FRMPD3: variants seen among roughly 807,000 people sequenced by gnomAD.
The protein encoded by FRMPD3 is FERM and PDZ domain containing 3, also known as FERM and PDZ domain-containing protein 3.
FRMPD3 carries 42 observed loss-of-function variants against 97.9 expected under a neutral mutation model. The ratio of observed to expected loss-of-function variants is 0.43; its 90% confidence interval spans 0.34 to 0.55. The LOEUF (loss-of-function observed/expected upper bound fraction) is 0.55. Ranked by LOEUF, FRMPD3 falls within the 20% of genes least tolerant of loss-of-function variation. The pLI is 0.03. For missense variants in FRMPD3, 1,303 were observed against 1,457.7 expected (o/e 0.89, Z 1.73); for synonymous variants, 577 against 581.1 (o/e 0.99, Z 0.10).
At chrX:107,517,192 A>T (rs1477372761) in intron 1 of FRMPD3, among the ~76,000 whole-genome samples, 1 of 111,758 alleles carries the variant, frequency 8.9e-6, no homozygotes, top group African/African-American at 3.3e-5. Context: ...ATTATTTCTG[A>T]GGGCTCTGTT....
chrX:107,575,824 A>G (rs745878490), intron 12 of FRMPD3, among the ~76,000 whole-genome samples: 1 of 112,196 alleles, frequency 8.9e-6, no homozygotes, highest in South Asian at 3.7e-4. Flanking sequence ...ACTTGATTCC[A>G]CAGAGATTCC....
chrX:107,564,903 C>T lies in FRMPD3; in HGVS notation c.1133C>T (p.Ala378Val), dbSNP rs1922535412. ...NTVGLDEKQS[A>V]TTLLVGPRHG... ...GGGCACCAGGATGAGAAGCAGTCGG[C>T]CACCACGCTCCTGGTGGGACCCCGT... The change falls in exon 12 of 15, where the codon GCC becomes GTC. Residue 378 changes from alanine to valine, a missense_variant. By Grantham distance (64) the Ala-to-Val change is moderately conservative. Transcript: ENST00000683843. 1 of 1,210,698 alleles carries T rather than the reference C, an allele frequency of 8.3e-7. No homozygotes were observed. The highest frequency in any genetic ancestry group is 1.7e-5 in the African/African-American group (1 of 57,843).
intron 13 of FRMPD3, among the ~76,000 whole-genome samples, chrX:107,578,693 G>A (rs771972267): frequency 9.0e-6 from 1 of 111,551 alleles, no homozygotes; most frequent in African/African-American, 3.3e-5. Flanking sequence ...CTCTTCCTTC[G>A]CCATCTCTTC....
At chrX:107,573,280 C>T (rs890923183) in intron 12 of FRMPD3, among the ~76,000 whole-genome samples, 11 of 110,937 alleles carry the variant, frequency 9.9e-5, no homozygotes, top group African/African-American at 3.6e-4. Context: ...GGGATGGCCG[C>T]GATGTGAAAA....
rs773055381 is a variant in FRMPD3, at chrX:107,602,455, C to G, written c.4416C>G (p.Pro1472=). 2.6e-5 allele frequency: 31 copies of G among 1,209,747 alleles called. No homozygotes were observed. The highest frequency in any genetic ancestry group is 3.0e-5 in the Non-Finnish European group (27 of 895,098). ...GACAGATGGCCGTGTTCTCACTGCC[C>G]GAGGAGGTGTACCGGAAGCCTGCCG... ...GPRQMAVFSL[P]EEVYRKPAEL... is the part of the protein sequence containing the mutation. The change falls in exon 15 of 15, where the codon CCC becomes CCG. Residue 1472 remains proline, a synonymous_variant. Transcript: ENST00000683843.
chrX:107,466,575 GTCTT>G, intron 1 of FRMPD3, among the ~76,000 whole-genome samples: 1 of 112,220 alleles, frequency 8.9e-6, no homozygotes, highest in African/African-American at 3.2e-5. Flanking sequence ...TTTCATTTAG[GTCTT>G]GTTCTTTCCT....
intron 5 of FRMPD3, among the ~76,000 whole-genome samples, chrX:107,548,005 G>GGCC (rs58080565): frequency 4.5e-5 from 5 of 110,560 alleles, no homozygotes; most frequent in Non-Finnish European, 7.6e-5. Context: ...TTCCCACCTT[G>GGCC]TTTCCACAGC....
chrX:107,531,967 A>G (rs1230581002), intron 3 of FRMPD3, among the ~76,000 whole-genome samples: 2 of 111,995 alleles, frequency 1.8e-5, no homozygotes, highest in East Asian at 5.6e-4. Flanking sequence ...TCAGTCAGTC[A>G]ATCAACCAGT....
At chrX:107,452,984 C>T (rs966182936) in intron 1 of FRMPD3, among the ~76,000 whole-genome samples, 2 of 110,723 alleles carry the variant, frequency 1.8e-5, no homozygotes, top group Non-Finnish European at 3.8e-5. Context: ...CCGCAGTAAT[C>T]CTTACTTCAG....
At chrX:107,588,076 G>T (rs777045239) in intron 13 of FRMPD3, among the ~76,000 whole-genome samples, 1 of 111,308 alleles carries the variant, frequency 9.0e-6, no homozygotes, top group South Asian at 3.8e-4. Context: ...CGCCCAGCCT[G>T]GCCCCCAGTC....
chrX:107,566,733 A>T (rs1186261579), intron 12 of FRMPD3, among the ~76,000 whole-genome samples: 2 of 112,843 alleles, frequency 1.8e-5, no homozygotes, highest in Admixed American at 9.3e-5. Flanking sequence ...AGGCATCAGG[A>T]TTTATTTATT....
chrX:107,586,937 T>C (rs774486516), intron 13 of FRMPD3, among the ~76,000 whole-genome samples: 1 of 112,072 alleles, frequency 8.9e-6, no homozygotes, highest in South Asian at 3.7e-4. Flanking sequence ...TGATTTGGGG[T>C]GGAGAGTTCT....
intron 1 of FRMPD3, among the ~76,000 whole-genome samples, chrX:107,452,007 T>C (rs1410369228): frequency 8.9e-6 from 1 of 111,766 alleles, no homozygotes; most frequent in Non-Finnish European, 1.9e-5. Context: ...TGCTCACTGC[T>C]CGGGCAAATT....
At chrX:107,520,115 G>C (rs1296457330) in intron 1 of FRMPD3, among the ~76,000 whole-genome samples, 1 of 111,143 alleles carries the variant, frequency 9.0e-6, no homozygotes, top group Non-Finnish European at 1.9e-5. Flanking sequence ...GGTGGTGACT[G>C]AAGTGAACAG....
intron 13 of FRMPD3, among the ~76,000 whole-genome samples, chrX:107,591,743 C>T (rs779237921): frequency 1.9e-3 from 206 of 109,609 alleles, no homozygotes; most frequent in African/African-American, 6.5e-3. Context: ...CTTTTTTTGC[C>T]TTTATTTTTG....
intron 1 of FRMPD3, among the ~76,000 whole-genome samples, chrX:107,482,113 G>T (rs755676203): frequency 2.7e-4 from 30 of 110,491 alleles, no homozygotes; most frequent in African/African-American, 9.6e-4. Flanking sequence ...TGTTTGTTTT[G>T]TTTTTTTCTC....
intron 1 of FRMPD3, among the ~76,000 whole-genome samples, chrX:107,460,496 T>C (rs767996495): frequency 9.1e-6 from 1 of 109,303 alleles, no homozygotes; most frequent in African/African-American, 3.3e-5. Flanking sequence ...GCTCAAGTAA[T>C]CCTCCCACCT....
intron 5 of FRMPD3, among the ~76,000 whole-genome samples, chrX:107,548,161 C>T (rs1205234986): frequency 8.9e-6 from 1 of 112,159 alleles, no homozygotes; most frequent in Non-Finnish European, 1.9e-5. Flanking sequence ...TCATCCACAC[C>T]CACTGTCTCC....
chrX:107,539,056 GAA>G (rs777332443), intron 4 of FRMPD3, among the ~76,000 whole-genome samples: 1 of 105,071 alleles, frequency 9.5e-6, no homozygotes, highest in African/African-American at 3.4e-5. Flanking sequence ...AGCAGAGACA[GAA>G]AAAAAAAAAG....
Sources: allele counts gnomAD v4.1 joint callset (sites outside exome capture counted in the v4.1 genomes callset), GRCh38; gene constraint gnomAD v4.1.1; transcripts MANE v1.5; gene names NCBI Gene and HGNC (gene_info 2026-07-23, HGNC 2026-07-21).